Variants in PPARGC1A observed in about 807,000 individuals in gnomAD.
PPARGC1A encodes PPARG coactivator 1 alpha, also known as peroxisome proliferator-activated receptor gamma coactivator 1-alpha.
A neutral mutation model predicts 88.7 loss-of-function variants in PPARGC1A; 25 were observed. The ratio of observed to expected loss-of-function variants is 0.28; its 90% confidence interval spans 0.21 to 0.39. PPARGC1A has a LOEUF of 0.39. Ranked by LOEUF, PPARGC1A falls within the 10% of genes least tolerant of loss-of-function variation. The probability of loss-of-function intolerance (pLI) is 1.00; values close to 1 mark genes in which losing one functional copy is unlikely to be tolerated. For missense variants in PPARGC1A, 880 were observed against 968.7 expected, an observed-to-expected ratio of 0.91 and a Z score of 1.22; for synonymous variants, 363 against 355.6, an observed-to-expected ratio of 1.02 and a Z score of -0.24.
chr4:24,299,417 T>C, the PPARGC1A span, among the ~76,000 whole-genome samples: 1 of 152,312 alleles, frequency 6.6e-6, no homozygotes, highest in East Asian at 1.9e-4. Context: ...AAGTGTGACT[T>C]AGGAACCTAC....
chr4:24,320,466 CCTT>C, the PPARGC1A span, among the ~76,000 whole-genome samples: 1 of 152,194 alleles, frequency 6.6e-6, no homozygotes, highest in African/African-American at 2.4e-5. Context: ...TACACACACT[CCTT>C]CTCTTACTCC....
the PPARGC1A span, among the ~76,000 whole-genome samples, chr4:23,958,199 A>C: frequency 2.4e-4 from 37 of 152,236 alleles, no homozygotes; most frequent in African/African-American, 8.2e-4. Context: ...CGATTTTTAC[A>C]ATAATCATCA....
intron 1 of PPARGC1A, among the ~76,000 whole-genome samples, chr4:23,897,830 T>TTACAAAGCTCAG (rs1718791392): frequency 6.6e-6 from 1 of 152,224 alleles, no homozygotes; most frequent in Non-Finnish European, 1.5e-5. Flanking sequence ...CTCAGGTAGC[T>TTACAAAGCTCAG]GTCCAGAGAA....
the PPARGC1A span, among the ~76,000 whole-genome samples, chr4:23,953,906 G>C: frequency 6.6e-6 from 1 of 151,960 alleles, no homozygotes; most frequent in African/African-American, 2.4e-5. Flanking sequence ...AGTTAGAACA[G>C]CACATACATT....
intron 2 of PPARGC1A, among the ~76,000 whole-genome samples, chr4:23,852,615 A>G (rs1289149279): frequency 6.6e-6 from 1 of 152,052 alleles, no homozygotes; most frequent in Non-Finnish European, 1.5e-5. Context: ...CTTCACTATA[A>G]AATAGTTTTC....
the PPARGC1A span, among the ~76,000 whole-genome samples, chr4:24,320,470 C>T: frequency 1.4e-4 from 21 of 152,216 alleles, no homozygotes; most frequent in Admixed American, 3.9e-4. Flanking sequence ...CACACTCCTT[C>T]TCTTACTCCC....
the PPARGC1A span, among the ~76,000 whole-genome samples, chr4:24,052,760 A>C: frequency 6.6e-6 from 1 of 151,572 alleles, no homozygotes; most frequent in African/African-American, 2.4e-5. Flanking sequence ...GTCTTCTTTA[A>C]ATCTCTTCCT....
chr4:24,258,857 T>C, the PPARGC1A span, among the ~76,000 whole-genome samples: 9 of 152,354 alleles, frequency 5.9e-5, no homozygotes, highest in Admixed American at 2.0e-4. Flanking sequence ...AGACCATTTA[T>C]TCATGCATTG....
At chr4:24,150,835 A>C in the PPARGC1A span, among the ~76,000 whole-genome samples, 1 of 152,110 alleles carries the variant, frequency 6.6e-6, no homozygotes, top group Non-Finnish European at 1.5e-5. Context: ...TCTCTTGTGC[A>C]TTATACCATG....
chr4:24,149,293 C>T, the PPARGC1A span, among the ~76,000 whole-genome samples: 1 of 152,000 alleles, frequency 6.6e-6, no homozygotes, highest in Non-Finnish European at 1.5e-5. Context: ...TCATTATTTG[C>T]TCCTAAAGCC....
chr4:23,811,159 A>G (rs965608794), intron 10 of PPARGC1A, among the ~76,000 whole-genome samples: 2 of 152,208 alleles, frequency 1.3e-5, no homozygotes, highest in African/African-American at 4.8e-5. Flanking sequence ...TTTCTCCTTA[A>G]GTGCCTGTGT....
intron 8 of PPARGC1A, 71 bp from the exon 9 acceptor site, chr4:23,813,196 A>C (rs1348984297): frequency 1.6e-6 from 2 of 1,283,130 alleles, no homozygotes; most frequent in African/African-American, 2.9e-5. Context: ...GGCACTGTGG[A>C]GCATCCTCTG....
chr4:24,015,165 TAC>T, the PPARGC1A span, among the ~76,000 whole-genome samples: 4 of 152,110 alleles, frequency 2.6e-5, no homozygotes, highest in Admixed American at 2.0e-4. Context: ...ATAGATGATA[TAC>T]AGTCATAAAT....
chr4:24,308,676 C>G, the PPARGC1A span, among the ~76,000 whole-genome samples: 1 of 152,090 alleles, frequency 6.6e-6, no homozygotes, highest in African/African-American at 2.4e-5. Flanking sequence ...AGGAAGGGCT[C>G]TAGGCCTCCT....
chr4:24,052,365 G>A, the PPARGC1A span, among the ~76,000 whole-genome samples: 1 of 152,236 alleles, frequency 6.6e-6, no homozygotes, highest in Non-Finnish European at 1.5e-5. Flanking sequence ...GACCGGTCAT[G>A]GTGGTTCACA....
the PPARGC1A span, among the ~76,000 whole-genome samples, chr4:24,190,311 C>T: frequency 6.6e-6 from 1 of 152,178 alleles, no homozygotes; most frequent in East Asian, 1.9e-4. Flanking sequence ...GTCAGGAGAT[C>T]GAGGCCATCC....
At chr4:24,064,210 A>C in the PPARGC1A span, among the ~76,000 whole-genome samples, 1 of 152,176 alleles carries the variant, frequency 6.6e-6, no homozygotes, top group Non-Finnish European at 1.5e-5. Context: ...AATAAGAAAA[A>C]AAACAACTGG....
At chr4:23,824,760 T>C (rs1010476747) in intron 5 of PPARGC1A, among the ~76,000 whole-genome samples, 23 of 152,126 alleles carry the variant, frequency 1.5e-4, no homozygotes, top group Admixed American at 1.3e-3. Flanking sequence ...ACCCTCCCTG[T>C]TACAGATACA....
the PPARGC1A span, among the ~76,000 whole-genome samples, chr4:24,324,441 C>T: frequency 9.9e-5 from 15 of 152,066 alleles, no homozygotes; most frequent in Non-Finnish European, 1.9e-4. Flanking sequence ...ACCCCTTCTC[C>T]GTGTCTCTAC....
Sources: allele counts gnomAD v4.1 joint callset (sites outside exome capture counted in the v4.1 genomes callset), GRCh38; gene constraint gnomAD v4.1.1; transcripts MANE v1.5; gene names NCBI Gene and HGNC (gene_info 2026-07-23, HGNC 2026-07-21).